MAP3K3: variants seen among roughly 807,000 people sequenced by gnomAD.
MAP3K3 encodes mitogen-activated protein kinase kinase kinase 3.
A neutral mutation model predicts 80.9 loss-of-function variants in MAP3K3; 12 were observed. The ratio of observed to expected loss-of-function variants is 0.15; its 90% CI spans 0.10 to 0.24. The LOEUF is 0.24. Among genes scored for constraint, MAP3K3 ranks in the 10% least tolerant of loss-of-function variants. The pLI, the probability that MAP3K3 is intolerant of heterozygous loss-of-function variation, is 1.00. For synonymous variants in MAP3K3, 272 were observed against 307.1 expected (o/e 0.89, Z 1.19); for missense variants, 596 against 834.7 (o/e 0.71, Z 3.52).
chr17:63,622,694 G>A lies in MAP3K3; in HGVS notation c.-66G>A, dbSNP rs569279279. The stretch of plus-strand genomic sequence containing the variant: ...TGCCGTCCCCGCCGCCCGGGCCCCC[G>A]GCATGCAGCCCCGGCTGCGGAGGTG... On this transcript the variant is annotated 5_prime_UTR_variant, in exon 1 of 16. Coordinates refer to ENST00000361733, the MANE Select transcript of MAP3K3 (RefSeq NM_002401.5). The A allele has an allele frequency of 1.6e-3, 693 of 424,186 alleles. 8 individuals are homozygous for A. Among genetic ancestry groups the A allele is most frequent in the South Asian group, 4.7e-3 (266 of 57,108 alleles). 26.3% of individuals were successfully genotyped at this position (424,186 alleles called of 1,614,324 possible).
intron 6 of MAP3K3, among the ~76,000 whole-genome samples, chr17:63,676,899 C>T (rs377363072): frequency 1.3e-5 from 2 of 152,208 alleles, no homozygotes; most frequent in East Asian, 3.8e-4. Flanking sequence ...CTGTTAATCT[C>T]ATAGAAGTGC....
At chr17:63,627,332 T>A (rs1487871130) in intron 1 of MAP3K3, among the ~76,000 whole-genome samples, 1 of 152,240 alleles carries the variant, frequency 6.6e-6, no homozygotes, top group African/African-American at 2.4e-5. Context: ...CTTATGCTTC[T>A]TCCTGGTAGC....
At position 63,681,937 on chromosome 17, in the gene MAP3K3, A is replaced by G. The variant is rs80003462; in HGVS notation, c.636+38A>G. 1,518 of 1,333,666 alleles carry G rather than the reference A, an allele frequency of 1.1e-3. 17 individuals carry two copies. In the African/African-American group the frequency reaches 0.021, roughly 18 times the overall value. 82.6% of individuals were successfully genotyped at this position (1,333,666 alleles called of 1,614,324 possible). ...GGGCTGGGATATGCCTGTGGCCTGT[A>G]TCAGCAGACCAAGCTCATAACAAGG... On this transcript the variant is annotated intron_variant, in intron 7 of 15. Transcript: ENST00000361733.
At chr17:63,659,963 GT>G in intron 5 of MAP3K3, among the ~76,000 whole-genome samples, 1 of 152,272 alleles carries the variant, frequency 6.6e-6, no homozygotes, top group East Asian at 1.9e-4. Flanking sequence ...TTGCTCTAAA[GT>G]TTTTCAAAGG....
intron 1 of MAP3K3, among the ~76,000 whole-genome samples, chr17:63,630,016 A>G (rs562735491): frequency 3.3e-5 from 5 of 152,256 alleles, no homozygotes; most frequent in South Asian, 4.1e-4. Context: ...TCTTTGTTCA[A>G]TATCTGAGTT....
At chr17:63,630,468 C>T (rs1404620453) in intron 1 of MAP3K3, among the ~76,000 whole-genome samples, 2 of 152,098 alleles carry the variant, frequency 1.3e-5, no homozygotes, top group Non-Finnish European at 2.9e-5. Flanking sequence ...GCTGAGCCTA[C>T]AGCGTGCACC....
chr17:63,659,951 A>G (rs956324957), intron 5 of MAP3K3, among the ~76,000 whole-genome samples: 2 of 152,146 alleles, frequency 1.3e-5, no homozygotes, highest in Admixed American at 6.6e-5. Context: ...CACTCTGCCA[A>G]ATTGCTCTAA....
intron 6 of MAP3K3, among the ~76,000 whole-genome samples, chr17:63,679,420 T>C (rs1312636451): frequency 1.3e-5 from 2 of 152,194 alleles, no homozygotes; most frequent in Admixed American, 6.5e-5. Flanking sequence ...CTGTAGATGC[T>C]TAGTCCCTGG....
intron 3 of MAP3K3, among the ~76,000 whole-genome samples, chr17:63,647,776 C>T (rs968820698): frequency 6.6e-6 from 1 of 152,106 alleles, no homozygotes; most frequent in Non-Finnish European, 1.5e-5. Flanking sequence ...GCTCTAGTTT[C>T]GTGTATTTCA....
intron 2 of MAP3K3, chr17:63,636,906 A>G (rs2034337717): frequency 6.2e-6 from 3 of 484,648 alleles, no homozygotes; most frequent in Non-Finnish European, 1.2e-5. Context: ...ATATAGCCCA[A>G]TTGGAGGCCT....
At chr17:63,640,994 T>C (rs1161869684) in intron 2 of MAP3K3, among the ~76,000 whole-genome samples, 1 of 152,204 alleles carries the variant, frequency 6.6e-6, no homozygotes, top group East Asian at 1.9e-4. Context: ...ATAGAACATC[T>C]ACCATACTAC....
At position 63,695,770 on chromosome 17, in the gene MAP3K3, C is replaced by G. The variant is rs2035679991; in HGVS notation, c.*1993C>G. 1 of 152,580 alleles carries G rather than the reference C, an allele frequency of 6.6e-6. No individual in the cohort carries two copies. Among genetic ancestry groups the G allele is most frequent in the Non-Finnish European group, 1.5e-5 (1 of 68,044 alleles). The allele number at this position is 152,580 out of a possible 1,614,324, so 9.5% of individuals were successfully genotyped here. A position where few individuals can be genotyped will look rare whatever the true frequency, so the allele number is the denominator to read the frequency against. On this transcript the variant is annotated 3_prime_UTR_variant, in exon 16 of 16. Coordinates refer to ENST00000361733, the MANE Select transcript of MAP3K3 (RefSeq NM_002401.5). This position sits in a 1 kb window ranked among gnomAD's most constrained non-coding sequence, Gnocchi z 4.1. ...CTCCACCCCCTGGGGTCTTACCTCA[C>G]TGGGAATGTGTTTTGAAAATGAATT... is the stretch of plus-strand genomic sequence containing the variant.
rs181525981 is a variant in MAP3K3, at chr17:63,659,843, T to C, written c.381+1936T>C. Among the ~76,000 whole-genome samples the C allele has an allele frequency of 2.0e-5, 3 of 152,218 alleles. No individual in the cohort carries two copies. The East Asian group carries it at 5.8e-4, about 29-fold the overall frequency. On this transcript the variant is annotated intron_variant, in intron 5 of 15. Coordinates refer to ENST00000361733, the MANE Select transcript of MAP3K3 (RefSeq NM_002401.5). ...GTGCCCGGCCGTACCAGTTCTTTTT[T>C]TAAATACAAAAACTGAGAAGTGAAA...
intron 4 of MAP3K3, among the ~76,000 whole-genome samples, 194 bp downstream of exon 4, chr17:63,652,850 A>G (rs2034687091): frequency 1.3e-5 from 2 of 152,184 alleles, no homozygotes; most frequent in Admixed American, 1.3e-4. Context: ...CAGCCATCTC[A>G]GCCATCTCCA....
At chr17:63,680,501 C>G (rs974960422) in intron 6 of MAP3K3, among the ~76,000 whole-genome samples, 2 of 152,144 alleles carry the variant, frequency 1.3e-5, no homozygotes, top group Non-Finnish European at 2.9e-5. Flanking sequence ...AAAAAAGATG[C>G]AAACTTTTGG....
In MAP3K3 at chr17:63,691,168, T is replaced by C; in HGVS notation, c.1279T>C (p.Tyr427His). 1 of 1,614,196 alleles carries C rather than the reference T, an allele frequency of 6.2e-7. No individual in the cohort carries two copies. The highest frequency in any genetic ancestry group is 1.1e-5 in the South Asian group (1 of 91,086). ...CTTGCAGCATGAGCGCATCGTGCAGTACTATGGCTGTCTGCGGGACCGCGC... is the reference window on the plus strand; with the variant it reads ...CTTGCAGCATGAGCGCATCGTGCAGCACTATGGCTGTCTGCGGGACCGCGC... ...KNLQHERIVQYYGCLRDRAEK... is the reference protein window; with the variant it reads ...KNLQHERIVQHYGCLRDRAEK... The change falls in exon 13 of 16, where the codon TAC becomes CAC. Residue 427 changes from tyrosine to histidine, a missense_variant. Around this residue, in one of 2 missense-constraint regions of MAP3K3, gnomAD observed 364 missense variants for 588.9 expected, o/e 0.62. Coordinates refer to ENST00000361733, the MANE Select transcript of MAP3K3 (RefSeq NM_002401.5). The surrounding 1 kb of genome is among the most constrained non-coding windows in gnomAD (Gnocchi z 4.8).
chr17:63,646,537 G>T (rs1355820469), intron 3 of MAP3K3, among the ~76,000 whole-genome samples: 2 of 152,148 alleles, frequency 1.3e-5, no homozygotes, highest in Admixed American at 1.3e-4. Context: ...GATGTCTCTA[G>T]GTCATGGGAA....
chr17:63,628,255 C>T (rs1321650656), intron 1 of MAP3K3, among the ~76,000 whole-genome samples: 1 of 151,694 alleles, frequency 6.6e-6, no homozygotes, highest in Non-Finnish European at 1.5e-5. Context: ...TATGTAAAAT[C>T]ATCCATATAA....
rs776993223 is a variant in MAP3K3, at chr17:63,689,744, C to G, written c.1063+9C>G. The G allele has an allele frequency of 8.1e-6, 13 of 1,603,394 alleles. No individual in the cohort carries two copies. The highest frequency in any genetic ancestry group is 1.0e-5 in the Non-Finnish European group (12 of 1,172,898). On this transcript the variant is annotated intron_variant, in intron 11 of 15. Transcript: ENST00000361733. This position sits in a 1 kb window ranked among gnomAD's most constrained non-coding sequence, Gnocchi z 4.3. ...GAATGTGCCAACCAAGTGTGAGGAG[C>G]TGTCCCTGGCTAGGAGGAGACTGCC...
Sources: gnomAD v4.1 joint callset for allele counts (sites outside exome capture counted in the v4.1 genomes callset) on GRCh38, gnomAD v4.1.1 for gene constraint, gnomAD v4.1.1 regional missense constraint, Gnocchi (gnomAD v3.1) non-coding constraint, MANE v1.5 for transcripts, NCBI Gene and HGNC (gene_info 2026-07-23, HGNC 2026-07-21) for gene names.